SYN2: variants seen among roughly 807,000 people sequenced by gnomAD.
SYN2 encodes synapsin II, also known as synapsin-2.
In SYN2, 19 loss-of-function variants were observed where a neutral mutation model predicts 50.9. That is an observed-to-expected ratio of 0.37 (90% CI 0.26 to 0.55). The LOEUF is 0.55. Ranked by LOEUF, SYN2 falls within the 20% of genes least tolerant of loss-of-function variation. The pLI is 0.81. For synonymous variants in SYN2, 255 were observed against 224.9 expected (o/e 1.13, Z -1.20); for missense variants, 587 against 576.4 (o/e 1.02, Z -0.19).
At chr3:12,160,294 A>G (rs1018699289) in intron 5 of SYN2, among the ~76,000 whole-genome samples, 7 of 152,014 alleles carry the variant, frequency 4.6e-5, no homozygotes, top group Admixed American at 3.3e-4. Context: ...TTTTTTCTTC[A>G]TAAAGTAGAG....
chr3:12,157,468 T>C, intron 5 of SYN2: 1 of 1,614,076 alleles, frequency 6.2e-7, no homozygotes, highest in Non-Finnish European at 8.5e-7. Context: ...TCACTGGAGA[T>C]TTTGGCCCGA....
intron 10 of SYN2, among the ~76,000 whole-genome samples, chr3:12,179,695 G>C (rs1379520808): frequency 6.6e-6 from 1 of 152,154 alleles, no homozygotes; most frequent in Non-Finnish European, 1.5e-5. Context: ...GTCATTTCGA[G>C]ACTTCTAACC....
At chr3:12,103,297 C>T (rs1696114525) in intron 1 of SYN2, among the ~76,000 whole-genome samples, 1 of 151,932 alleles carries the variant, frequency 6.6e-6, no homozygotes, top group South Asian at 2.1e-4. Flanking sequence ...AAGATAATCC[C>T]AGAAGGAAAA....
intron 5 of SYN2, among the ~76,000 whole-genome samples, chr3:12,158,249 A>G (rs1313468687): frequency 6.6e-6 from 1 of 152,200 alleles, no homozygotes; most frequent in Non-Finnish European, 1.5e-5. Flanking sequence ...GAGGGAGGGC[A>G]TTCCAGGCAG....
In SYN2 at chr3:12,153,662, G is replaced by T. The variant is rs765217143; in HGVS notation, c.774+2336G>T. 12 of 1,614,080 alleles carry T rather than the reference G, an allele frequency of 7.4e-6. No individual in the cohort carries two copies. In the East Asian group the frequency reaches 2.7e-4, roughly 36 times the overall value. On this transcript the variant is annotated intron_variant, in intron 5 of 12. Coordinates refer to ENST00000621198, the MANE Select transcript of SYN2 (RefSeq NM_133625.6). The stretch of plus-strand genomic sequence containing the variant: ...GTTCCAACAGCCAGTCTGTCCAGAG[G>T]CACTCGTTAGGGGCCGAGATGGTAC...
intron 1 of SYN2, among the ~76,000 whole-genome samples, chr3:12,034,786 C>CCAA (rs1199660261): frequency 6.6e-6 from 1 of 152,164 alleles, no homozygotes; most frequent in Non-Finnish European, 1.5e-5. Flanking sequence ...GATTAAGTTT[C>CCAA]CAACACATGA....
At chr3:12,034,232 A>C (rs1694445040) in intron 1 of SYN2, among the ~76,000 whole-genome samples, 1 of 151,764 alleles carries the variant, frequency 6.6e-6, no homozygotes, top group Non-Finnish European at 1.5e-5. Context: ...TAGTCATCCT[A>C]CTCTTTGTGA....
chr3:12,091,948 G>C (rs1393410700), intron 1 of SYN2, among the ~76,000 whole-genome samples: 1 of 152,110 alleles, frequency 6.6e-6, no homozygotes, highest in African/African-American at 2.4e-5. Context: ...GAACTACTTT[G>C]GCCAACTGAC....
chr3:12,165,537 T>A (rs369448521), intron 7 of SYN2: 1 of 152,150 alleles, frequency 6.6e-6, no homozygotes, highest in East Asian at 1.9e-4. Flanking sequence ...CAAGGAAACA[T>A]CGTGGGAAGA....
At chr3:12,179,255 A>G (rs980426659) in intron 10 of SYN2, among the ~76,000 whole-genome samples, 5 of 39,706 alleles carry the variant, frequency 1.3e-4, no homozygotes, top group Admixed American at 3.0e-4. Flanking sequence ...ATCTCTGCAC[A>G]GGTCCAATAA....
chr3:12,190,632 A>G lies in SYN2; in HGVS notation c.*7A>G, dbSNP rs1350641965. 1 of 1,610,908 alleles carries G rather than the reference A, an allele frequency of 6.2e-7. No individual in the cohort carries two copies. Among genetic ancestry groups the G allele is most frequent in the Non-Finnish European group, 8.5e-7 (1 of 1,178,724 alleles). ...CAGCCTCTTTTCAGATTAGCTCTTC[A>G]GACACACGGGGCACCCAGCCCAACC... On this transcript the variant is annotated 3_prime_UTR_variant, in exon 13 of 13. Coordinates refer to ENST00000621198, the MANE Select transcript of SYN2 (RefSeq NM_133625.6).
intron 10 of SYN2, among the ~76,000 whole-genome samples, chr3:12,175,747 C>T (rs2125248803): frequency 6.6e-6 from 1 of 152,358 alleles, no homozygotes; most frequent in African/African-American, 2.4e-5. Flanking sequence ...CACACCTTAC[C>T]TCTAGCCTGG....
intron 1 of SYN2, among the ~76,000 whole-genome samples, chr3:12,028,312 T>C (rs1222651092): frequency 1.3e-5 from 2 of 151,680 alleles, no homozygotes; most frequent in Admixed American, 1.3e-4. Context: ...TCTTTGCTAT[T>C]GTGAATAATG....
rs968373184 is a variant in SYN2, at chr3:12,065,874, A to C, written c.377+60946A>C. Among the ~76,000 whole-genome samples, 11 of 152,330 alleles carry C rather than the reference A, an allele frequency of 7.2e-5. No homozygotes were observed. In the East Asian group the frequency reaches 2.1e-3, roughly 29 times the overall value. On this transcript the variant is annotated intron_variant, in intron 1 of 12. Coordinates refer to ENST00000621198, the MANE Select transcript of SYN2 (RefSeq NM_133625.6). ...TAAAATAAAAGTTGAAATTATTTAAAAAGCCAGTAACAAGAGACCACATGT... is the reference window on the plus strand; with the variant it reads ...TAAAATAAAAGTTGAAATTATTTAACAAGCCAGTAACAAGAGACCACATGT...
At chr3:12,054,193 C>T (rs1045015468) in intron 1 of SYN2, among the ~76,000 whole-genome samples, 4 of 152,150 alleles carry the variant, frequency 2.6e-5, no homozygotes, top group Non-Finnish European at 1.5e-5. Flanking sequence ...TTAGAGTAGT[C>T]CATGAGAAAG....
intron 1 of SYN2, among the ~76,000 whole-genome samples, chr3:12,046,028 A>C (rs1694730658): frequency 6.6e-6 from 1 of 152,184 alleles, no homozygotes; most frequent in African/African-American, 2.4e-5. Context: ...AGTACTTACT[A>C]CAACTCTAAC....
At chr3:12,071,526 T>A (rs1461167442) in intron 1 of SYN2, 3 of 363,100 alleles carry the variant, frequency 8.3e-6, no homozygotes, top group African/African-American at 2.1e-5. Flanking sequence ...CACTTGATTG[T>A]AGAACTTGTT....
At chr3:12,130,260 G>A (rs932349064) in intron 1 of SYN2, among the ~76,000 whole-genome samples, 2 of 152,020 alleles carry the variant, frequency 1.3e-5, no homozygotes, top group Non-Finnish European at 2.9e-5. Flanking sequence ...GTGCATGTGT[G>A]TGTGTTATAA....
In SYN2 at chr3:12,073,299, C is replaced by A. The variant is rs967999389; in HGVS notation, c.378-67352C>A. The stretch of plus-strand genomic sequence containing the variant: ...TAAGGGGCGCCAAGGTGATGAGTCA[C>A]CCAGCGAGGTATAATAGTGGAGATG... On this transcript the variant is annotated intron_variant, in intron 1 of 12. Transcript: ENST00000621198. 7.2e-5 allele frequency among the ~76,000 whole-genome samples: 11 copies of A among 152,262 alleles called. No homozygotes were observed. The South Asian group carries it at 1.9e-3, about 26-fold the overall frequency.
Sources: gnomAD v4.1 joint callset for allele counts (sites outside exome capture counted in the v4.1 genomes callset) on GRCh38, gnomAD v4.1.1 for gene constraint, MANE v1.5 for transcripts, NCBI Gene and HGNC (gene_info 2026-07-23, HGNC 2026-07-21) for gene names.